The following IRF2 variants were observed in gnomAD, a reference collection of about 807,000 sequenced individuals.
IRF2 encodes interferon regulatory factor 2.
Under a neutral mutation model 40.6 loss-of-function variants are expected in IRF2, and 15 were observed. That is an observed-to-expected ratio of 0.37 (90% CI 0.25 to 0.57). The LOEUF (loss-of-function observed/expected upper bound fraction) is 0.57. IRF2 is among the 20% of genes least tolerant of loss of function. IRF2 has a pLI of 0.77. For synonymous variants in IRF2, 151 were observed against 165.5 expected (o/e 0.91, Z 0.67); for missense variants, 317 against 455.7 (o/e 0.70, Z 2.77).
chr4:184,412,862 C>G (rs1465339686), intron 5 of IRF2, among the ~76,000 whole-genome samples: 1 of 152,226 alleles, frequency 6.6e-6, no homozygotes, highest in Non-Finnish European at 1.5e-5. Flanking sequence ...GCATCAGTTT[C>G]CAAAGCTACC....
At chr4:184,409,771 C>T (rs1310787742) in intron 5 of IRF2, among the ~76,000 whole-genome samples, 1 of 152,010 alleles carries the variant, frequency 6.6e-6, no homozygotes, top group Non-Finnish European at 1.5e-5. Context: ...GTGCACGCCT[C>T]TTGTCCTGGA....
At chr4:184,469,448 G>A (rs1739442991) in intron 1 of IRF2, among the ~76,000 whole-genome samples, 1 of 152,218 alleles carries the variant, frequency 6.6e-6, no homozygotes, top group African/African-American at 2.4e-5. Context: ...ATGCTGAGGA[G>A]GGAGGATCAT....
At chr4:184,451,314 A>G (rs1336941548) in intron 1 of IRF2, among the ~76,000 whole-genome samples, 1 of 152,240 alleles carries the variant, frequency 6.6e-6, no homozygotes, top group East Asian at 1.9e-4. Context: ...ATATACATGC[A>G]AAAGTCCAAA....
chr4:184,395,308 G>A (rs997524279), intron 7 of IRF2, among the ~76,000 whole-genome samples: 1 of 151,806 alleles, frequency 6.6e-6, no homozygotes, highest in African/African-American at 2.4e-5. Context: ...AGCTACTCGG[G>A]AGGCTGAGGC....
At position 184,451,939 on chromosome 4, in the gene IRF2, C is replaced by T. The variant is rs139711257; in HGVS notation, c.-7+22440G>A. Among the ~76,000 whole-genome samples the T allele has an allele frequency of 8.1e-3, 1,234 of 152,298 alleles. 8 individuals carry two copies. The highest frequency in any genetic ancestry group is 0.013 in the Non-Finnish European group (900 of 68,022). ...AAGTTAGCAGCTGTCTGGGACTCTT[C>T]CTAAAAGAGGAAGCCTTTTGACCCT... is the stretch of plus-strand genomic sequence containing the variant. On this transcript the variant is annotated intron_variant, in intron 1 of 8. Transcript: ENST00000393593.
intron 1 of IRF2, among the ~76,000 whole-genome samples, chr4:184,429,481 G>GA (rs1393590045): frequency 6.6e-6 from 1 of 152,134 alleles, no homozygotes; most frequent in Non-Finnish European, 1.5e-5. Flanking sequence ...GCAGTTGTGG[G>GA]AAAAAATTAT....
intron 6 of IRF2, among the ~76,000 whole-genome samples, chr4:184,404,031 G>C (rs970182266): frequency 6.6e-6 from 1 of 152,150 alleles, no homozygotes; most frequent in Non-Finnish European, 1.5e-5. Context: ...AGCAATTGTT[G>C]ACTTAATGTA....
chr4:184,461,756 G>A (rs1041904078), intron 1 of IRF2, among the ~76,000 whole-genome samples: 7 of 112,614 alleles, frequency 6.2e-5, no homozygotes, highest in African/African-American at 1.7e-4. Flanking sequence ...AACAAAAATC[G>A]CAATGCATTA....
chr4:184,445,668 AGAAG>A (rs1180027471), intron 1 of IRF2, among the ~76,000 whole-genome samples: 1 of 127,126 alleles, frequency 7.9e-6, no homozygotes, highest in Non-Finnish European at 1.9e-5. Flanking sequence ...AAAAAAAAAA[AGAAG>A]AAGAAGAAGA....
chr4:184,423,052 C>A (rs1448315694), intron 2 of IRF2, among the ~76,000 whole-genome samples: 2 of 151,870 alleles, frequency 1.3e-5, no homozygotes, highest in African/African-American at 4.8e-5. Context: ...TTGAAGAAGA[C>A]CATATGAAAA....
intron 1 of IRF2, among the ~76,000 whole-genome samples, chr4:184,453,789 TTG>T (rs779206652): frequency 6.6e-6 from 1 of 152,140 alleles, no homozygotes; most frequent in Non-Finnish European, 1.5e-5. Flanking sequence ...CCTGAGCTGT[TTG>T]TGTCACCCAG....
At position 184,405,491 on chromosome 4, in the gene IRF2, A is replaced by T. The variant is rs1262077481; in HGVS notation, c.529+2667T>A. Among the ~76,000 whole-genome samples the T allele has an allele frequency of 2.0e-5, 3 of 152,202 alleles. No individual in the cohort carries two copies. The East Asian group carries it at 5.8e-4, about 29-fold the overall frequency. On this transcript the variant is annotated intron_variant, in intron 6 of 8. Transcript: ENST00000393593. ...CAGGGAGCTTAACTCGTTCAGAGTAATTCAAGTTCAAAGACAGGTATGAAA... is the reference window on the plus strand; with the variant it reads ...CAGGGAGCTTAACTCGTTCAGAGTATTTCAAGTTCAAAGACAGGTATGAAA...
chr4:184,436,101 G>A lies in IRF2; in HGVS notation c.-6-7031C>T, dbSNP rs928836441. On this transcript the variant is annotated intron_variant, in intron 1 of 8. Coordinates refer to ENST00000393593, the MANE Select transcript of IRF2 (RefSeq NM_002199.4). ...AAGCAATTCTCCTGCCTCAGCCTCC[G>A]GAGTAGCTGGGACTACAGGTGCCCA... 4.0e-5 allele frequency among the ~76,000 whole-genome samples: 6 copies of A among 151,376 alleles called. No individual in the cohort carries two copies. In the South Asian group the frequency reaches 6.3e-4, roughly 16 times the overall value.
intron 1 of IRF2, among the ~76,000 whole-genome samples, chr4:184,467,308 C>T (rs759479196): frequency 2.0e-5 from 3 of 152,190 alleles, no homozygotes; most frequent in Non-Finnish European, 4.4e-5. Context: ...ATTGTCTCTT[C>T]ACTCTCTCCC....
intron 1 of IRF2, among the ~76,000 whole-genome samples, chr4:184,447,508 G>A (rs1738557028): frequency 6.6e-6 from 1 of 152,106 alleles, no homozygotes; most frequent in Non-Finnish European, 1.5e-5. Flanking sequence ...GTAAAAGGCT[G>A]GTGAAAAATG....
chr4:184,404,841 G>A (rs1736793029), intron 6 of IRF2, among the ~76,000 whole-genome samples: 1 of 152,218 alleles, frequency 6.6e-6, no homozygotes, highest in Non-Finnish European at 1.5e-5. Flanking sequence ...GGGTGACAGA[G>A]TGCAGGAGGA....
At chr4:184,396,775 G>C (rs1363691003) in intron 7 of IRF2, among the ~76,000 whole-genome samples, 3 of 151,976 alleles carry the variant, frequency 2.0e-5, no homozygotes, top group Admixed American at 2.0e-4. Flanking sequence ...CGATACCCAG[G>C]CTGACAGGGT....
intron 1 of IRF2, among the ~76,000 whole-genome samples, chr4:184,465,385 A>C (rs369784791): frequency 6.6e-6 from 1 of 152,186 alleles, no homozygotes; most frequent in Non-Finnish European, 1.5e-5. Flanking sequence ...GAGGGCAGAG[A>C]TGACATATTA....
At chr4:184,459,373 C>T (rs1561127693) in intron 1 of IRF2, among the ~76,000 whole-genome samples, 1 of 152,122 alleles carries the variant, frequency 6.6e-6, no homozygotes, top group Non-Finnish European at 1.5e-5. Flanking sequence ...TTGATTTCTC[C>T]AGCTGAAAAA....
Sources: allele counts gnomAD v4.1 joint callset (sites outside exome capture counted in the v4.1 genomes callset), GRCh38; gene constraint gnomAD v4.1.1; transcripts MANE v1.5; gene names NCBI Gene and HGNC (gene_info 2026-07-23, HGNC 2026-07-21).